The following CTXN3 variants were observed in gnomAD, a reference collection of about 807,000 sequenced individuals.
CTXN3 encodes the protein cortexin 3, also known as cortexin-3.
Under a neutral mutation model 5.0 loss-of-function variants are expected in CTXN3, and 4 were observed. The observed-to-expected ratio is 0.79, with a 90% CI of 0.39 to 1.82. The LOEUF is 1.82. CTXN3 is among the 40% of genes most tolerant of loss of function. The pLI, the probability that CTXN3 is intolerant of heterozygous loss-of-function variation, is 0.04. For synonymous variants in CTXN3, 48 were observed against 38.6 expected (o/e 1.24, Z -0.91); for missense variants, 89 against 99.7 (o/e 0.89, Z 0.46).
chr5:127,656,625 C>T (rs1749914407), intron 2 of CTXN3, among the ~76,000 whole-genome samples: 1 of 152,150 alleles, frequency 6.6e-6, no homozygotes, highest in Admixed American at 6.5e-5. Context: ...ACTGAGATAC[C>T]TCCGTTCTCC....
In CTXN3 at chr5:127,657,806, G is replaced by T. The variant is rs1289640015; in HGVS notation, c.*39G>T. On this transcript the variant is annotated 3_prime_UTR_variant, in exon 3 of 3. Transcript: ENST00000379445. The stretch of plus-strand genomic sequence containing the variant: ...GGATCTCCTCCTGAGGAGATGAAGT[G>T]CTTTGTGTCTTGGTGAGGATTCCCT... The T allele has an allele frequency of 6.2e-7, 1 of 1,609,720 alleles. No homozygotes were observed. Among genetic ancestry groups the T allele is most frequent in the Non-Finnish European group, 8.5e-7 (1 of 1,177,016 alleles).
chr5:127,650,400 A>T (rs1003350792), intron 1 of CTXN3, among the ~76,000 whole-genome samples: 1 of 152,160 alleles, frequency 6.6e-6, no homozygotes, highest in Non-Finnish European at 1.5e-5. Flanking sequence ...AGTATAAAAT[A>T]TATTTACCCT....
In CTXN3 at chr5:127,657,596, G is replaced by A. The variant is rs1314930066; in HGVS notation, c.75G>A (p.Leu25=). 5 of 1,614,022 alleles carry A rather than the reference G, an allele frequency of 3.1e-6. No homozygotes were observed. The highest frequency in any genetic ancestry group is 1.3e-5 in the African/African-American group (1 of 74,918). The stretch of plus-strand genomic sequence containing the variant: ...AATCAGCAGATTCTAGCATGTCCCT[G>A]GAGCAGAAAATGACATTTGTTTTTG... ...GNESADSSMS[L]EQKMTFVFVI... Residue 25 remains leucine, a synonymous_variant, in exon 3 of 3, where the codon CTG becomes CTA. Coordinates refer to ENST00000379445, the MANE Select transcript of CTXN3 (RefSeq NM_001048252.3).
intron 2 of CTXN3, among the ~76,000 whole-genome samples, chr5:127,654,538 A>G (rs758010034): frequency 2.0e-5 from 3 of 152,186 alleles, no homozygotes; most frequent in Non-Finnish European, 4.4e-5. Context: ...CTGAATCAGG[A>G]TGAATAAGTT....
chr5:127,656,406 G>T (rs1749908286), intron 2 of CTXN3, among the ~76,000 whole-genome samples: 1 of 152,062 alleles, frequency 6.6e-6, no homozygotes, highest in African/African-American at 2.4e-5. Flanking sequence ...AATAGTGTTA[G>T]CTTGTCCTTT....
intron 1 of CTXN3, among the ~76,000 whole-genome samples, chr5:127,651,453 A>T (rs1311250601): frequency 6.6e-6 from 1 of 152,154 alleles, no homozygotes; most frequent in African/African-American, 2.4e-5. Context: ...AAAACTAGGG[A>T]TCTACCATCA....
Position 127,657,661 on chromosome 5 carries a change from G to A in CTXN3, c.140G>A (p.Arg47Gln), listed in dbSNP as rs756665901. ...LFIFLGILIV[R>Q]CFRILLDPYR... ...ATTTTCTTGGGCATTCTCATTGTCC[G>A]GTGCTTCCGGATTCTTTTGGATCCA... Residue 47 changes from arginine (R) to glutamine (Q), a missense_variant, in exon 3 of 3, where the codon CGG (arginine) becomes CAG (glutamine). Physicochemically the swap from Arg to Gln is conservative, Grantham distance 43. Coordinates refer to ENST00000379445, the MANE Select transcript of CTXN3 (RefSeq NM_001048252.3). 1.5e-5 allele frequency: 24 copies of A among 1,614,014 alleles called. No homozygotes were observed. The highest frequency in any genetic ancestry group is 5.3e-5 in the African/African-American group (4 of 74,908).
At chr5:127,656,470 G>C (rs1005192619) in intron 2 of CTXN3, among the ~76,000 whole-genome samples, 1 of 152,096 alleles carries the variant, frequency 6.6e-6, no homozygotes, top group Non-Finnish European at 1.5e-5. Context: ...CCACTCTAAG[G>C]AAAACTGTCC....
chr5:127,656,311 T>TACTTGTATATTTATACGGTAATATAC (rs1236337898), intron 2 of CTXN3, among the ~76,000 whole-genome samples: 2 of 152,214 alleles, frequency 1.3e-5, no homozygotes, highest in Non-Finnish European at 2.9e-5. Context: ...GTCATGTATA[T>TACTTGTATATTTATACGGTAATATAC]ACTTGTATAT....
chr5:127,653,214 T>G (rs1749822059), intron 1 of CTXN3, 103 bp from the exon 2 acceptor site: 1 of 152,246 alleles, frequency 6.6e-6, no homozygotes, highest in South Asian at 2.1e-4. Flanking sequence ...GGGTGTCTTC[T>G]GTTTTTGTCA....
intron 2 of CTXN3, 55 bp from the exon 3 acceptor site, chr5:127,657,366 TAA>T: frequency 1.3e-6 from 1 of 784,940 alleles, no homozygotes; most frequent in Non-Finnish European, 2.0e-6. Flanking sequence ...ACTGTGAACC[TAA>T]AAAAATAAGG....
At chr5:127,652,398 A>G (rs557293808) in intron 1 of CTXN3, 1 of 152,170 alleles carries the variant, frequency 6.6e-6, no homozygotes, top group Non-Finnish European at 1.5e-5. Context: ...ACTTATATTT[A>G]AAAAGGCAAT....
intron 2 of CTXN3, among the ~76,000 whole-genome samples, chr5:127,656,576 GAA>G (rs1318489312): frequency 4.6e-5 from 7 of 152,004 alleles, no homozygotes; most frequent in Non-Finnish European, 8.8e-5. Context: ...GTTTTCTGAG[GAA>G]AAAAGAAAAA....
chr5:127,656,409 T>G (rs1749908386), intron 2 of CTXN3, among the ~76,000 whole-genome samples: 1 of 152,186 alleles, frequency 6.6e-6, no homozygotes, highest in Non-Finnish European at 1.5e-5. Context: ...AGTGTTAGCT[T>G]GTCCTTTTCC....
chr5:127,657,566 G>A lies in CTXN3; in HGVS notation c.45G>A (p.Gly15=). Residue 15 remains glycine (G), a synonymous_variant, in exon 3 of 3, where the codon GGG becomes GGA. Coordinates refer to ENST00000379445, the MANE Select transcript of CTXN3 (RefSeq NM_001048252.3). ...TCCCCTCATCCCTAGTGCCCCTTGG[G>A]AACGAATCAGCAGATTCTAGCATGT... is the stretch of plus-strand genomic sequence containing the variant. The part of the protein sequence containing the change: ...QPIPSSLVPL[G]NESADSSMSL... The A allele has an allele frequency of 2.5e-6, 4 of 1,614,120 alleles. No individual in the cohort carries two copies. Among genetic ancestry groups the A allele is most frequent in the Non-Finnish European group, 3.4e-6 (4 of 1,179,992 alleles).
At chr5:127,651,226 G>T (rs924699405) in intron 1 of CTXN3, among the ~76,000 whole-genome samples, 1 of 152,194 alleles carries the variant, frequency 6.6e-6, no homozygotes, top group African/African-American at 2.4e-5. Context: ...ACAAGCCCAA[G>T]AGTGTCCTTG....
chr5:127,649,440 A>G (rs188186358), intron 1 of CTXN3, 52 bp downstream of exon 1: 1 of 152,314 alleles, frequency 6.6e-6, no homozygotes, highest in Admixed American at 6.5e-5. Flanking sequence ...CTTTTCTCTA[A>G]CTTTACAATT....
At chr5:127,650,418 C>A (rs116175827) in intron 1 of CTXN3, among the ~76,000 whole-genome samples, 2 of 152,088 alleles carry the variant, frequency 1.3e-5, no homozygotes, top group Admixed American at 6.6e-5. Context: ...CCTTAGCCCC[C>A]CTTTGAATTT....
Position 127,657,494 on chromosome 5 carries a change from A to G in CTXN3, c.-28A>G, listed in dbSNP as rs972171160. ...GATGATGGAAGAAAAGAAAACCAGG[A>G]TATCCTGTGCTCTGGCTTCCCTGGA... On this transcript the variant is annotated 5_prime_UTR_variant, in exon 3 of 3. Coordinates refer to ENST00000379445, the MANE Select transcript of CTXN3 (RefSeq NM_001048252.3). 1 of 1,611,588 alleles carries G rather than the reference A, an allele frequency of 6.2e-7. No individual in the cohort carries two copies.
Sources: allele counts gnomAD v4.1 joint callset (sites outside exome capture counted in the v4.1 genomes callset), GRCh38; gene constraint gnomAD v4.1.1; transcripts MANE v1.5; gene names NCBI Gene and HGNC (gene_info 2026-07-23, HGNC 2026-07-21).